RDX: variants seen among roughly 807,000 people sequenced by gnomAD.
RDX encodes deafness, autosomal recessive 24.
A neutral mutation model predicts 83.7 loss-of-function variants in RDX; 32 were observed. The observed-to-expected ratio is 0.38, with a 90% CI of 0.29 to 0.51. The LOEUF (loss-of-function observed/expected upper bound fraction) is 0.51, where lower values mean the gene tolerates loss of function less well. RDX is among the 20% of genes least tolerant of loss of function. The pLI, the probability that RDX is intolerant of heterozygous loss-of-function variation, is 0.87. For synonymous variants in RDX, 229 were observed against 222.7 expected (o/e 1.03, Z -0.25); for missense variants, 600 against 689.9 (o/e 0.87, Z 1.46).
intron 14 of RDX, among the ~76,000 whole-genome samples, chr11:110,215,109 C>G (rs1409728907): frequency 6.7e-6 from 1 of 148,976 alleles, no homozygotes; most frequent in Admixed American, 6.7e-5. Context: ...GCCTGTGATC[C>G]CAGCACTTTG....
At chr11:110,296,402 C>T (rs1861463849) in intron 1 of RDX, 65 bp downstream of exon 1, 2 of 151,626 alleles carry the variant, frequency 1.3e-5, no homozygotes, top group Non-Finnish European at 2.9e-5. Flanking sequence ...CTTCGCGCCG[C>T]CACCTTAGCG....
intron 15 of RDX, among the ~76,000 whole-genome samples, chr11:110,177,819 A>G (rs1862806425): frequency 6.6e-6 from 1 of 152,084 alleles, no homozygotes; most frequent in Admixed American, 6.5e-5. Context: ...TTCCCTATCC[A>G]GTCTCCCTAC....
At chr11:110,178,009 C>T (rs1862811007) in intron 15 of RDX, among the ~76,000 whole-genome samples, 1 of 152,162 alleles carries the variant, frequency 6.6e-6, no homozygotes, top group African/African-American at 2.4e-5. Context: ...AAACTCCCCA[C>T]ACAGTGACAT....
intron 1 of RDX, among the ~76,000 whole-genome samples, chr11:110,290,702 G>A (rs1191095792): frequency 6.6e-6 from 1 of 152,132 alleles, no homozygotes; most frequent in Non-Finnish European, 1.5e-5. Flanking sequence ...TTCCGTAAAG[G>A]GCCAGGTAAG....
chr11:110,209,255 C>T (rs1263243351), intron 14 of RDX, among the ~76,000 whole-genome samples: 1 of 152,134 alleles, frequency 6.6e-6, no homozygotes, highest in Admixed American at 6.5e-5. Context: ...CGGGTCACTC[C>T]CACCCGAATA....
intron 2 of RDX, among the ~76,000 whole-genome samples, chr11:110,277,372 T>A (rs564683049): frequency 2.8e-4 from 42 of 152,334 alleles, no homozygotes; most frequent in Middle Eastern, 3.4e-3. Context: ...CAGGTTGAAG[T>A]GCAGTGGTGC....
intron 13 of RDX, among the ~76,000 whole-genome samples, chr11:110,232,794 T>G (rs1204362968): frequency 6.6e-6 from 1 of 152,142 alleles, no homozygotes; most frequent in Admixed American, 6.5e-5. Flanking sequence ...TTTGTATTTT[T>G]GGTAGAGGCA....
chr11:110,232,515 T>C (rs571146868), intron 13 of RDX, among the ~76,000 whole-genome samples: 4 of 152,026 alleles, frequency 2.6e-5, no homozygotes, highest in Admixed American at 1.3e-4. Flanking sequence ...GTTATGTCCA[T>C]GTAATATACT....
chr11:110,187,851 C>A (rs76430847), intron 15 of RDX, among the ~76,000 whole-genome samples: 2 of 152,206 alleles, frequency 1.3e-5, no homozygotes, highest in Non-Finnish European at 2.9e-5. Flanking sequence ...GAGCTTCTTC[C>A]GGTAACAAGG....
chr11:110,185,230 A>G (rs1284646310), intron 15 of RDX: 1 of 152,212 alleles, frequency 6.6e-6, no homozygotes, highest in Admixed American at 6.5e-5. Context: ...AGAAATGAGG[A>G]TAATCCATAA....
chr11:110,187,983 A>G (rs1863020418), intron 15 of RDX, among the ~76,000 whole-genome samples: 1 of 152,212 alleles, frequency 6.6e-6, no homozygotes, highest in Non-Finnish European at 1.5e-5. Context: ...GCATAGGGCT[A>G]TTCATAAAAA....
intron 1 of RDX, chr11:110,288,509 G>C (rs1442584660): frequency 6.6e-6 from 1 of 152,136 alleles, no homozygotes; most frequent in Admixed American, 6.5e-5. Flanking sequence ...TATATAACAG[G>C]AAAGAAGCAA....
intron 14 of RDX, among the ~76,000 whole-genome samples, chr11:110,206,834 C>A (rs1467132777): frequency 6.6e-6 from 1 of 152,170 alleles, no homozygotes; most frequent in African/African-American, 2.4e-5. Context: ...TCAATAGTTA[C>A]TCTAAGGACA....
intron 14 of RDX, among the ~76,000 whole-genome samples, chr11:110,207,271 G>A (rs1430081327): frequency 6.6e-6 from 1 of 152,144 alleles, no homozygotes; most frequent in Non-Finnish European, 1.5e-5. Flanking sequence ...ACCGCACCTG[G>A]CCATAAATGC....
At chr11:110,241,188 G>A (rs998436274) in intron 10 of RDX, among the ~76,000 whole-genome samples, 11 of 151,932 alleles carry the variant, frequency 7.2e-5, no homozygotes, top group Admixed American at 6.6e-4. Flanking sequence ...AAGACAAAAT[G>A]TATACGGCAC....
intron 2 of RDX, among the ~76,000 whole-genome samples, chr11:110,276,825 ATGAGT>A (rs1205990924): frequency 2.0e-5 from 3 of 152,234 alleles, no homozygotes; most frequent in African/African-American, 7.2e-5. Context: ...AAACCTGAAG[ATGAGT>A]TAATTTTGAG....
At chr11:110,203,803 C>T (rs966121619) in intron 14 of RDX, among the ~76,000 whole-genome samples, 1 of 151,920 alleles carries the variant, frequency 6.6e-6, no homozygotes, top group African/African-American at 2.4e-5. Context: ...AATTTAAAAC[C>T]CTCTTTTTAT....
chr11:110,264,743 ATAAT>A, intron 4 of RDX, 32 bp downstream of exon 4: 1 of 1,425,046 alleles, frequency 7.0e-7, no homozygotes, highest in Non-Finnish European at 9.8e-7. Flanking sequence ...TCAACTTAAC[ATAAT>A]TATTAGTTTA....
intron 10 of RDX, among the ~76,000 whole-genome samples, chr11:110,242,400 C>T (rs1415023843): frequency 6.7e-6 from 1 of 149,340 alleles, no homozygotes; most frequent in Non-Finnish European, 1.5e-5. Context: ...CACAATCGCA[C>T]TCCAGCCTAG....
Sources: allele counts gnomAD v4.1 joint callset (sites outside exome capture counted in the v4.1 genomes callset), GRCh38; gene constraint gnomAD v4.1.1; transcripts MANE v1.5; gene names NCBI Gene and HGNC (gene_info 2026-07-23, HGNC 2026-07-21).